Variants in SOS1 observed in about 807,000 individuals in gnomAD.
SOS1 encodes the protein SOS Ras/Rac guanine nucleotide exchange factor 1.
A neutral mutation model predicts 157.6 loss-of-function variants in SOS1; 25 were observed. That is an observed-to-expected ratio of 0.16 (90% CI 0.12 to 0.22). The LOEUF is 0.22. Ranked by LOEUF, SOS1 falls within the 10% of genes least tolerant of loss-of-function variation. The pLI is 1.00. For missense variants in SOS1, 1,237 were observed against 1,599.1 expected (o/e 0.77, Z 3.86); for synonymous variants, 528 against 534.0 (o/e 0.99, Z 0.16).
At position 39,074,283 on chromosome 2, in the gene SOS1, G is replaced by C. The variant is rs529928593; in HGVS notation, c.88-6530C>G. ...GAGAATCGCTTGAACCCGGGAGGCA[G>C]AGGCTGCAGTGAGCTGAGATCCTGC... On this transcript the variant is annotated intron_variant, in intron 1 of 22. Transcript: ENST00000402219. 4.0e-5 allele frequency among the ~76,000 whole-genome samples: 6 copies of C among 150,730 alleles called. 1 individual carries two copies. The South Asian group carries it at 1.3e-3, about 32-fold the overall frequency.
chr2:39,064,769 G>A (rs2123877), intron 2 of SOS1, among the ~76,000 whole-genome samples: 96,313 of 112,772 alleles, frequency 0.85, 40,471 homozygotes, highest in Non-Finnish European at 0.92. Flanking sequence ...TTTTTTTGGA[G>A]ATGGAGTCTT....
chr2:39,079,564 G>A (rs983688381), intron 1 of SOS1, among the ~76,000 whole-genome samples: 10 of 127,546 alleles, frequency 7.8e-5, no homozygotes, highest in Admixed American at 2.0e-4. Context: ...GTGTGATCTC[G>A]GCTCACTGCA....
At position 39,054,837 on chromosome 2, in the gene SOS1, G is replaced by A. The variant is rs764220485; in HGVS notation, c.511-14C>T. The A allele has an allele frequency of 4.1e-6, 5 of 1,223,766 alleles. No homozygotes were observed. In the Admixed American group the frequency reaches 6.8e-5, roughly 17 times the overall value. The allele number at this position is 1,223,766 out of a possible 1,614,324, so 75.8% of individuals were successfully genotyped here. The stretch of plus-strand genomic sequence containing the variant: ...ATCCATCAATACCTATACAGTCAGA[G>A]ATATAAAAAAGTATAATAAAATATG... On this transcript the variant is annotated splice_polypyrimidine_tract_variant and intron_variant, in intron 4 of 22. Coordinates refer to ENST00000402219, the MANE Select transcript of SOS1 (RefSeq NM_005633.4).
At chr2:39,075,970 C>T (rs1217207643) in intron 1 of SOS1, among the ~76,000 whole-genome samples, 1 of 152,134 alleles carries the variant, frequency 6.6e-6, no homozygotes, top group Non-Finnish European at 1.5e-5. Context: ...AATCTTCCCA[C>T]AAAGAATGTA....
intron 17 of SOS1, among the ~76,000 whole-genome samples, chr2:39,004,561 G>C (rs548359289): frequency 6.5e-4 from 99 of 151,742 alleles, no homozygotes; most frequent in Non-Finnish European, 1.3e-3. Context: ...TGATATTAGA[G>C]TTAAATATAA....
rs1179464698 is a variant in SOS1, at chr2:38,983,211, T to TTATC, written c.*2609_*2612dup. 1 of 152,158 alleles carries TTATC rather than the reference T, an allele frequency of 6.6e-6. No homozygotes were observed. Among genetic ancestry groups the TTATC allele is most frequent in the East Asian group, 1.9e-4 (1 of 5,196 alleles). The allele number at this position is 152,158 out of a possible 1,614,324, so 9.4% of individuals were successfully genotyped here. On this transcript the variant is annotated 3_prime_UTR_variant, in exon 23 of 23. Transcript: ENST00000402219. ...AAAGCAGAATTTTGTAATGATGCAT[T>TTATC]TATCTCCTCAGCCATTTCTGGTCCC...
intron 17 of SOS1, among the ~76,000 whole-genome samples, chr2:39,005,177 A>G (rs998818780): frequency 6.6e-6 from 1 of 152,192 alleles, no homozygotes; most frequent in Non-Finnish European, 1.5e-5. Flanking sequence ...GATTAAAAAT[A>G]GCTAAAAGTT....
rs2124454485 is a variant in SOS1 at position 38,985,976 on chromosome 2, G to A, written c.3850C>T (p.Leu1284Phe). 1 of 1,613,970 alleles carries A rather than the reference G, an allele frequency of 6.2e-7. No individual in the cohort carries two copies. ...ACAGGCGGCCCAGCAATGGAATGAAGGTCCACTTCTTGTGTCAATGGTGGT... is the reference window on the plus strand; with the variant it reads ...ACAGGCGGCCCAGCAATGGAATGAAAGTCCACTTCTTGTGTCAATGGTGGT... ...PSPPLTQEVD[L>F]HSIAGPPVPP... The change falls in exon 23 of 23, where the codon CTT becomes TTT. Residue 1284 changes from leucine to phenylalanine, a missense_variant. Coordinates refer to ENST00000402219, the MANE Select transcript of SOS1 (RefSeq NM_005633.4).
intron 1 of SOS1, among the ~76,000 whole-genome samples, chr2:39,082,845 G>A (rs1267479996): frequency 6.6e-6 from 1 of 152,174 alleles, no homozygotes; most frequent in East Asian, 1.9e-4. Context: ...GTACTTTGGG[G>A]CATACACGTA....
At chr2:39,056,431 A>C (rs1358906974) in intron 4 of SOS1, among the ~76,000 whole-genome samples, 1 of 152,228 alleles carries the variant, frequency 6.6e-6, no homozygotes. Flanking sequence ...AAAAGAAAAA[A>C]GAAAAGAAAT....
intron 1 of SOS1, among the ~76,000 whole-genome samples, chr2:39,113,085 A>C (rs1673501003): frequency 6.6e-6 from 1 of 151,944 alleles, no homozygotes; most frequent in Admixed American, 6.6e-5. Context: ...ATTTAGCATG[A>C]ACTCCCTGCT....
rs190401023 is a variant in SOS1 at position 39,040,228 on chromosome 2, A to G, written c.865-4728T>C. On this transcript the variant is annotated intron_variant, in intron 6 of 22. Transcript: ENST00000402219. The stretch of plus-strand genomic sequence containing the variant: ...GAGATGGCGTTTCACCGTGTTAGCC[A>G]GGATGGTCTCGATCTCCTGACCTTG... 1.3e-4 allele frequency among the ~76,000 whole-genome samples: 20 copies of G among 152,026 alleles called. No homozygotes were observed. The East Asian group carries it at 3.3e-3, about 25-fold the overall frequency.
intron 1 of SOS1, among the ~76,000 whole-genome samples, chr2:39,069,727 T>C (rs1441312210): frequency 6.6e-6 from 1 of 152,142 alleles, no homozygotes; most frequent in African/African-American, 2.4e-5. Flanking sequence ...TCTGTATTTT[T>C]AGTGGAGACG....
intron 1 of SOS1, among the ~76,000 whole-genome samples, chr2:39,097,069 C>T (rs1370511005): frequency 1.3e-5 from 2 of 152,094 alleles, no homozygotes; most frequent in Non-Finnish European, 2.9e-5. Flanking sequence ...TATAAAATCT[C>T]TTTAAGCTGT....
chr2:39,006,961 T>C, intron 16 of SOS1, 70 bp downstream of exon 16: 1 of 1,008,578 alleles, frequency 9.9e-7, no homozygotes. Flanking sequence ...TTAAAGATAA[T>C]AATTGTTAAA....
At chr2:39,099,089 A>G (rs1035569820) in intron 1 of SOS1, among the ~76,000 whole-genome samples, 1 of 152,238 alleles carries the variant, frequency 6.6e-6, no homozygotes, top group African/African-American at 2.4e-5. Flanking sequence ...GATGGCTAGA[A>G]TAAAAAAGAC....
At position 38,984,179 on chromosome 2, in the gene SOS1, A is replaced by G. The variant is rs1309497972; in HGVS notation, c.*1645T>C. 6.6e-6 allele frequency: 1 copy of G among 150,588 alleles called. No homozygotes were observed. The highest frequency in any genetic ancestry group is 2.5e-5 in the African/African-American group (1 of 40,808). 9.3% of individuals were successfully genotyped at this position (150,588 alleles called of 1,614,324 possible). On this transcript the variant is annotated 3_prime_UTR_variant, in exon 23 of 23. Transcript: ENST00000402219. The stretch of plus-strand genomic sequence containing the variant: ...AACAGAATTGCTGAAATGTTGCTTC[A>G]TTATTCAGAGGATACATGCAGATGC...
chr2:39,013,611 G>C (rs774661860), intron 12 of SOS1, 48 bp from the exon 13 acceptor site: 2 of 1,211,602 alleles, frequency 1.7e-6, no homozygotes, highest in East Asian at 2.3e-5. Context: ...AAACATAAAT[G>C]TTTATCACAA....
At chr2:39,113,890 CT>C (rs1419602881) in intron 1 of SOS1, among the ~76,000 whole-genome samples, 1 of 152,168 alleles carries the variant, frequency 6.6e-6, no homozygotes, top group East Asian at 1.9e-4. Flanking sequence ...CCTTTCCAAG[CT>C]TCTAGAAAAA....
Sources: allele counts gnomAD v4.1 joint callset (sites outside exome capture counted in the v4.1 genomes callset), GRCh38; gene constraint gnomAD v4.1.1; transcripts MANE v1.5; gene names NCBI Gene and HGNC (gene_info 2026-07-23, HGNC 2026-07-21).